The following CAMK1D variants were observed in gnomAD, a reference collection of about 807,000 sequenced individuals.
CAMK1D encodes the protein calcium/calmodulin-dependent protein kinase type 1D.
In CAMK1D, 9 loss-of-function variants were observed where a neutral mutation model predicts 47.7. The ratio of observed to expected loss-of-function variants is 0.19; its 90% CI spans 0.11 to 0.33. The LOEUF is 0.33. Ranked by LOEUF, CAMK1D falls within the 10% of genes least tolerant of loss-of-function variation. The probability of loss-of-function intolerance (pLI) is 1.00; values close to 1 mark genes in which losing one functional copy is unlikely to be tolerated. For synonymous variants in CAMK1D, 184 were observed against 184.9 expected (o/e 0.99, Z 0.04); for missense variants, 291 against 488.7 (o/e 0.60, Z 3.81).
chr10:12,552,335 AG>A (rs1353246877), intron 1 of CAMK1D, among the ~76,000 whole-genome samples: 3 of 152,240 alleles, frequency 2.0e-5, no homozygotes, highest in Non-Finnish European at 4.4e-5. Context: ...AAAGGATACA[AG>A]CTGCTCGGTG....
At chr10:12,679,054 C>A (rs1840905454) in intron 3 of CAMK1D, among the ~76,000 whole-genome samples, 1 of 152,176 alleles carries the variant, frequency 6.6e-6, no homozygotes, top group African/African-American at 2.4e-5. Flanking sequence ...AGCCACCGCA[C>A]CCGGTCCAAT....
chr10:12,485,173 C>T (rs185679910), intron 1 of CAMK1D, among the ~76,000 whole-genome samples: 13 of 152,262 alleles, frequency 8.5e-5, no homozygotes, highest in East Asian at 5.8e-4. Context: ...AACCGAGAGG[C>T]GAAGTGTATT....
At chr10:12,405,208 C>A (rs563652916) in intron 1 of CAMK1D, among the ~76,000 whole-genome samples, 112 of 152,290 alleles carry the variant, frequency 7.4e-4, no homozygotes, top group African/African-American at 2.5e-3. Flanking sequence ...ACTCCCCATA[C>A]CTCCTTCTGG....
intron 2 of CAMK1D, among the ~76,000 whole-genome samples, chr10:12,642,805 G>A (rs1839702104): frequency 6.6e-6 from 1 of 152,074 alleles, no homozygotes; most frequent in Non-Finnish European, 1.5e-5. Flanking sequence ...GTCATTTCCA[G>A]CGAGTGTTGG....
At chr10:12,491,735 C>T (rs1834390540) in intron 1 of CAMK1D, among the ~76,000 whole-genome samples, 1 of 152,044 alleles carries the variant, frequency 6.6e-6, no homozygotes, top group South Asian at 2.1e-4. Flanking sequence ...TTGATAAAGT[C>T]ATTAAAAGCC....
At chr10:12,744,740 TAAA>T (rs10589773) in intron 3 of CAMK1D, among the ~76,000 whole-genome samples, 4 of 136,562 alleles carry the variant, frequency 2.9e-5, no homozygotes, top group African/African-American at 1.0e-4. Context: ...AAATAAAAAT[TAAA>T]AAAAAAAAAA....
chr10:12,507,302 T>C (rs915634674), intron 1 of CAMK1D, among the ~76,000 whole-genome samples: 2 of 152,190 alleles, frequency 1.3e-5, no homozygotes, highest in African/African-American at 4.8e-5. Flanking sequence ...GTAGGTTTCT[T>C]ATATAAGCTT....
chr10:12,385,257 A>G (rs1379202973), intron 1 of CAMK1D, among the ~76,000 whole-genome samples: 1 of 152,196 alleles, frequency 6.6e-6, no homozygotes, highest in Non-Finnish European at 1.5e-5. Context: ...GTATACATCT[A>G]AGAGAAATGA....
intron 1 of CAMK1D, among the ~76,000 whole-genome samples, chr10:12,470,607 C>G (rs889832316): frequency 6.6e-6 from 1 of 151,936 alleles, no homozygotes; most frequent in East Asian, 1.9e-4. Flanking sequence ...ACCTCTGCCT[C>G]CTGGGTTCAA....
chr10:12,459,744 T>A (rs57201975), intron 1 of CAMK1D, among the ~76,000 whole-genome samples: 1 of 152,380 alleles, frequency 6.6e-6, no homozygotes, highest in East Asian at 1.9e-4. Context: ...ATTTTTAAAA[T>A]TTTTACGATG....
At chr10:12,757,255 G>A (rs1257268240) in intron 3 of CAMK1D, among the ~76,000 whole-genome samples, 4 of 152,082 alleles carry the variant, frequency 2.6e-5, no homozygotes, top group Admixed American at 2.6e-4. Flanking sequence ...TTACAGATGT[G>A]CGCCACTGTG....
intron 3 of CAMK1D, among the ~76,000 whole-genome samples, chr10:12,671,078 C>G (rs1303129305): frequency 1.3e-5 from 2 of 152,162 alleles, no homozygotes; most frequent in African/African-American, 4.8e-5. Flanking sequence ...ACTAGATTCT[C>G]TCTCTCAGCT....
At chr10:12,520,223 C>T (rs1163385772) in intron 1 of CAMK1D, among the ~76,000 whole-genome samples, 2 of 74,896 alleles carry the variant, frequency 2.7e-5, no homozygotes, top group African/African-American at 5.2e-5. Context: ...ACGGGGTGGC[C>T]GGGCAGAGAC....
chr10:12,801,222 TATCC>T (rs55994840), intron 6 of CAMK1D, among the ~76,000 whole-genome samples: 7,747 of 149,276 alleles, frequency 0.052, 506 homozygotes, highest in East Asian at 0.36. Context: ...ACATCTCTAG[TATCC>T]ATCCATCCAT....
intron 3 of CAMK1D, among the ~76,000 whole-genome samples, chr10:12,688,205 G>A (rs1832733371): frequency 6.6e-6 from 1 of 152,134 alleles, no homozygotes; most frequent in South Asian, 2.1e-4. Flanking sequence ...GACCTATTTA[G>A]TTCTTTCTCC....
intron 3 of CAMK1D, among the ~76,000 whole-genome samples, chr10:12,754,003 G>C (rs1836118335): frequency 6.6e-6 from 1 of 152,156 alleles, no homozygotes; most frequent in Non-Finnish European, 1.5e-5. Flanking sequence ...CGATTCTCCT[G>C]CCTCAGCCTC....
chr10:12,725,480 A>G (rs1834581972), intron 3 of CAMK1D: 1 of 154,546 alleles, frequency 6.5e-6, no homozygotes, highest in Non-Finnish European at 1.5e-5. Flanking sequence ...TTGTCAGCTC[A>G]AATATATGAA....
intron 1 of CAMK1D, among the ~76,000 whole-genome samples, chr10:12,490,368 G>A (rs1834345563): frequency 6.6e-6 from 1 of 152,180 alleles, no homozygotes; most frequent in African/African-American, 2.4e-5. Flanking sequence ...CTGTGGTGTG[G>A]AGGGGGAACT....
At chr10:12,698,644 A>G (rs1833388605) in intron 3 of CAMK1D, among the ~76,000 whole-genome samples, 1 of 148,732 alleles carries the variant, frequency 6.7e-6, no homozygotes, top group African/African-American at 2.5e-5. Context: ...TTACATTATT[A>G]GCTGAAGAAA....
Sources: gnomAD v4.1 joint callset for allele counts (sites outside exome capture counted in the v4.1 genomes callset) on GRCh38, gnomAD v4.1.1 for gene constraint, MANE v1.5 for transcripts, NCBI Gene and HGNC (gene_info 2026-07-23, HGNC 2026-07-21) for gene names.